The following EPB41L4A variants were observed in gnomAD, a reference collection of about 807,000 sequenced individuals.
EPB41L4A encodes the protein erythrocyte membrane protein band 4.1 like 4A, also known as band 4.1-like protein 4A.
EPB41L4A carries 100 observed loss-of-function variants against 108.6 expected under a neutral mutation model. That is an observed-to-expected ratio of 0.92 (90% CI 0.78 to 1.09). The LOEUF is 1.09. Among genes scored for constraint, EPB41L4A ranks in the 50% least tolerant of loss-of-function variants. The probability of loss-of-function intolerance (pLI) is 0.00; values close to 1 mark genes in which losing one functional copy is unlikely to be tolerated. For synonymous variants in EPB41L4A, 319 were observed against 289.0 expected (o/e 1.10, Z -1.05); for missense variants, 1,030 against 842.7 (o/e 1.22, Z -2.75).
chr5:112,284,653 C>T (rs1015085761), intron 2 of EPB41L4A, among the ~76,000 whole-genome samples: 1 of 152,202 alleles, frequency 6.6e-6, no homozygotes, highest in African/African-American at 2.4e-5. Context: ...TCTCTGATGT[C>T]GCACAGTCCA....
chr5:112,359,601 C>A (rs1033914202), intron 1 of EPB41L4A, among the ~76,000 whole-genome samples: 1 of 150,886 alleles, frequency 6.6e-6, no homozygotes, highest in African/African-American at 2.4e-5. Context: ...AGTGCAGTGG[C>A]GCGATCTCAG....
intron 2 of EPB41L4A, among the ~76,000 whole-genome samples, chr5:112,306,616 G>T (rs55796748): frequency 0.17 from 25,711 of 152,040 alleles, 2,676 homozygotes; most frequent in African/African-American, 0.28. Flanking sequence ...AAAATAAAAG[G>T]CAAGTCAAAT....
chr5:112,397,153 T>G (rs1333916150), intron 1 of EPB41L4A, among the ~76,000 whole-genome samples: 6 of 152,214 alleles, frequency 3.9e-5, no homozygotes, highest in Non-Finnish European at 8.8e-5. Flanking sequence ...ATGTACCCAT[T>G]GTTTAGCTCC....
intron 12 of EPB41L4A, among the ~76,000 whole-genome samples, chr5:112,218,310 A>G (rs978176650): frequency 5.9e-5 from 9 of 152,208 alleles, no homozygotes; most frequent in African/African-American, 2.2e-4. Flanking sequence ...GGACCCAAAG[A>G]TAACACCTAT....
At chr5:112,253,969 TC>T (rs1750879114) in intron 9 of EPB41L4A, among the ~76,000 whole-genome samples, 1 of 152,278 alleles carries the variant, frequency 6.6e-6, no homozygotes, top group African/African-American at 2.4e-5. Flanking sequence ...CATCATCGCT[TC>T]CCGTGTACTC....
chr5:112,285,865 T>C (rs1373268263), intron 2 of EPB41L4A, among the ~76,000 whole-genome samples: 1 of 152,202 alleles, frequency 6.6e-6, no homozygotes, highest in African/African-American at 2.4e-5. Flanking sequence ...TTAATCCTCT[T>C]AATAACTCTA....
At chr5:112,279,216 T>G (rs1272985858) in intron 3 of EPB41L4A, among the ~76,000 whole-genome samples, 1 of 152,120 alleles carries the variant, frequency 6.6e-6, no homozygotes, top group East Asian at 1.9e-4. Context: ...ACAACAATGA[T>G]GCTGACATTC....
chr5:112,243,944 TAC>T (rs1266586303), intron 9 of EPB41L4A, among the ~76,000 whole-genome samples: 1 of 152,260 alleles, frequency 6.6e-6, no homozygotes, highest in Non-Finnish European at 1.5e-5. Flanking sequence ...TTGTGTTCAC[TAC>T]AGTAGCTCTC....
At chr5:112,369,212 T>C (rs1003105032) in intron 1 of EPB41L4A, among the ~76,000 whole-genome samples, 2 of 152,196 alleles carry the variant, frequency 1.3e-5, no homozygotes, top group Non-Finnish European at 2.9e-5. Flanking sequence ...TTACAAGTTT[T>C]ACCTCCTAAA....
At chr5:112,147,724 G>GA (rs958350561) in intron 12 of EPB41L4A, among the ~76,000 whole-genome samples, 1 of 150,672 alleles carries the variant, frequency 6.6e-6, no homozygotes, top group Non-Finnish European at 1.5e-5. Flanking sequence ...CCCAAAATAA[G>GA]AAAAAAATGA....
chr5:112,411,823 G>C lies in EPB41L4A; in HGVS notation c.99+7118C>G, dbSNP rs182794144. ...AGGATGGCAGAGAAAAACCAATTTC[G>C]ACAAGTCGCAATTAAGGCAGCAGAG... On this transcript the variant is annotated intron_variant, in intron 1 of 22. Coordinates refer to ENST00000261486, the MANE Select transcript of EPB41L4A (RefSeq NM_022140.5). Among the ~76,000 whole-genome samples, 1,052 of 152,218 alleles carry C rather than the reference G, an allele frequency of 6.9e-3. 21 individuals carry two copies. Among genetic ancestry groups the C allele is most frequent in the African/African-American group, 0.024 (1,003 of 41,514 alleles).
chr5:112,264,180 G>C (rs1233574455), intron 6 of EPB41L4A: 2 of 152,192 alleles, frequency 1.3e-5, no homozygotes, highest in Admixed American at 1.3e-4. Flanking sequence ...TTACATAACA[G>C]GGAATAAAGC....
chr5:112,380,805 A>ACACACACAC (rs1308038589), intron 1 of EPB41L4A, among the ~76,000 whole-genome samples: 3 of 150,038 alleles, frequency 2.0e-5, no homozygotes, highest in Non-Finnish European at 4.5e-5. Context: ...ACACACACAC[A>ACACACACAC]CACACACACA....
chr5:112,265,137 A>G, intron 5 of EPB41L4A, 121 bp from the exon 6 acceptor site: 1 of 850,448 alleles, frequency 1.2e-6, no homozygotes, highest in Non-Finnish European at 1.7e-6. Flanking sequence ...ATTCACATAT[A>G]AGACAACTAA....
chr5:112,213,135 C>T (rs943318455), intron 12 of EPB41L4A, among the ~76,000 whole-genome samples: 1 of 152,066 alleles, frequency 6.6e-6, no homozygotes, highest in Admixed American at 6.5e-5. Context: ...CATGTGAGTG[C>T]TCTTTGTCAC....
chr5:112,360,831 C>T (rs1327143584), intron 1 of EPB41L4A, among the ~76,000 whole-genome samples: 1 of 151,884 alleles, frequency 6.6e-6, no homozygotes, highest in African/African-American at 2.4e-5. Flanking sequence ...ATGTGGGGAG[C>T]GCCTCTGCCC....
chr5:112,176,895 C>T (rs1760896592), intron 18 of EPB41L4A, among the ~76,000 whole-genome samples: 1 of 151,728 alleles, frequency 6.6e-6, no homozygotes, highest in African/African-American at 2.4e-5. Context: ...GCTGGGATTA[C>T]AGGCACCCAC....
At chr5:112,345,962 G>A (rs1210761685) in intron 1 of EPB41L4A, among the ~76,000 whole-genome samples, 1 of 151,870 alleles carries the variant, frequency 6.6e-6, no homozygotes, top group Non-Finnish European at 1.5e-5. Context: ...AAAATAGTGA[G>A]TTGAAATGGG....
At chr5:112,282,175 A>T (rs1753004637) in intron 2 of EPB41L4A, among the ~76,000 whole-genome samples, 1 of 152,150 alleles carries the variant, frequency 6.6e-6, no homozygotes, top group African/African-American at 2.4e-5. Context: ...TAAAATTATG[A>T]TCCCCAGGGA....
Sources: gnomAD v4.1 joint callset for allele counts (sites outside exome capture counted in the v4.1 genomes callset) on GRCh38, gnomAD v4.1.1 for gene constraint, MANE v1.5 for transcripts, NCBI Gene and HGNC (gene_info 2026-07-23, HGNC 2026-07-21) for gene names.